The following ZP3 variants were observed in gnomAD, a reference collection of about 807,000 sequenced individuals.
The protein encoded by ZP3 is zona pellucida glycoprotein 3.
A neutral mutation model predicts 35.6 loss-of-function variants in ZP3; 21 were observed. That is an observed-to-expected ratio of 0.59 (90% CI 0.42 to 0.85). The LOEUF (loss-of-function observed/expected upper bound fraction) is 0.85. Ranked by LOEUF, ZP3 falls within the 40% of genes least tolerant of loss-of-function variation. The pLI, the probability that ZP3 is intolerant of heterozygous loss-of-function variation, is 0.00. For missense variants in ZP3, 437 were observed against 536.5 expected (o/e 0.81, Z 1.83); for synonymous variants, 207 against 214.5 (o/e 0.96, Z 0.31).
At chr7:76,431,637 C>T (rs1020046876) in intron 2 of ZP3, among the ~76,000 whole-genome samples, 23 of 152,092 alleles carry the variant, frequency 1.5e-4, no homozygotes, top group Admixed American at 5.2e-4. Context: ...TGGTGGCTCA[C>T]GCCTATAATC....
At chr7:76,440,746 C>G (rs1312479701) in intron 7 of ZP3, 135 bp downstream of exon 7, 5 of 1,412,594 alleles carry the variant, frequency 3.5e-6, no homozygotes, top group Middle Eastern at 2.5e-4. Flanking sequence ...AGCTACCTTT[C>G]CCTAACACAA....
intron 2 of ZP3, among the ~76,000 whole-genome samples, chr7:76,430,527 A>AGT (rs2115904589): frequency 6.6e-6 from 1 of 152,252 alleles, no homozygotes; most frequent in Non-Finnish European, 1.5e-5. Context: ...CGAGGTAAGG[A>AGT]GTTCAGGACC....
intron 5 of ZP3, among the ~76,000 whole-genome samples, chr7:76,435,211 G>A (rs912564948): frequency 6.6e-6 from 1 of 152,258 alleles, no homozygotes; most frequent in African/African-American, 2.4e-5. Flanking sequence ...GGGCATGATG[G>A]TGGGCACCTG....
chr7:76,423,698 G>T (rs772631679), upstream of ZP3, among the ~76,000 whole-genome samples: 6 of 152,084 alleles, frequency 3.9e-5, no homozygotes, highest in East Asian at 1.2e-3. Context: ...GAGGTGGGCG[G>T]ATCCCTTGTG....
intron 1 of ZP3, chr7:76,400,386 C>T: frequency 6.3e-7 from 1 of 1,595,530 alleles, no homozygotes; most frequent in East Asian, 2.3e-5. Flanking sequence ...CGCGGCACTC[C>T]ACGTTGTCCA....
At chr7:76,437,368 G>T (rs1366402360) in intron 5 of ZP3, among the ~76,000 whole-genome samples, 2 of 151,912 alleles carry the variant, frequency 1.3e-5, no homozygotes, top group Admixed American at 6.6e-5. Context: ...TAGAGATGGG[G>T]TTTCACTATG....
chr7:76,405,968 C>CCTTT (rs202024651), intron 1 of ZP3, among the ~76,000 whole-genome samples: 11,453 of 150,380 alleles, frequency 0.076, 601 homozygotes, highest in Middle Eastern at 0.16. Context: ...CTTCCTTCTT[C>CCTTT]CTTTCCTTTC....
chr7:76,405,982 T>TC (rs200070368), intron 1 of ZP3, among the ~76,000 whole-genome samples: 1 of 149,062 alleles, frequency 6.7e-6, no homozygotes, highest in South Asian at 2.2e-4. Context: ...TCCTTTCCTT[T>TC]CTTTTCTTTT....
upstream of ZP3, chr7:76,424,944 G>T (rs767352403): frequency 1.3e-6 from 2 of 1,501,140 alleles, no homozygotes; most frequent in Admixed American, 2.1e-5. Flanking sequence ...AGAGGCGGCT[G>T]CCTGCTGCTC....
intron 1 of ZP3, among the ~76,000 whole-genome samples, chr7:76,428,153 C>T (rs2115895245): frequency 7.2e-6 from 1 of 138,716 alleles, no homozygotes; most frequent in Admixed American, 7.2e-5. Context: ...TGGCGAAACC[C>T]TGTCTCTATT....
At chr7:76,440,657 G>T in intron 7 of ZP3, 46 bp downstream of exon 7, 1 of 1,567,744 alleles carries the variant, frequency 6.4e-7, no homozygotes, top group Non-Finnish European at 8.7e-7. Context: ...CCCTTACTCA[G>T]TTGAGGGTAC....
chr7:76,436,734 G>C (rs1806025401), intron 5 of ZP3, among the ~76,000 whole-genome samples: 1 of 152,256 alleles, frequency 6.6e-6, no homozygotes, highest in Non-Finnish European at 1.5e-5. Flanking sequence ...GTGACCGATA[G>C]CTCCTTAGGG....
chr7:76,422,984 G>A (rs1352377250), upstream of ZP3, among the ~76,000 whole-genome samples: 4 of 139,686 alleles, frequency 2.9e-5, no homozygotes, highest in Non-Finnish European at 6.1e-5. Context: ...GCGACAGAAT[G>A]AGATCCTGTC....
intron 1 of ZP3, among the ~76,000 whole-genome samples, chr7:76,425,733 G>T (rs1298617662): frequency 1.3e-5 from 2 of 152,146 alleles, no homozygotes; most frequent in South Asian, 4.1e-4. Flanking sequence ...GGGAGGCCAA[G>T]ACTGGAGGAT....
At chr7:76,398,568 G>T in intron 1 of ZP3, 1 of 830,376 alleles carries the variant, frequency 1.2e-6, no homozygotes, top group African/African-American at 1.7e-5. Context: ...GCCTCCCAAA[G>T]TGCTGGGATT....
rs574554620 is a variant in ZP3, at chr7:76,418,774, T to G, written c.-66-6278T>G. On this transcript the variant is annotated intron_variant, in intron 1 of 8. Transcript: ENST00000336517. Reference sequence around the variant, plus strand: ...GGGAAGCTGAGGCAGGAGAATGGCGTGAACCCGGGAGGCGGAGCTTGCAAT... The same window carrying G: ...GGGAAGCTGAGGCAGGAGAATGGCGGGAACCCGGGAGGCGGAGCTTGCAAT... Among the ~76,000 whole-genome samples the G allele has an allele frequency of 2.6e-5, 4 of 152,002 alleles. No homozygotes were observed. The East Asian group carries it at 7.7e-4, about 29-fold the overall frequency.
intron 1 of ZP3, among the ~76,000 whole-genome samples, chr7:76,398,058 T>C (rs1804699036): frequency 6.6e-6 from 1 of 152,116 alleles, no homozygotes; most frequent in Non-Finnish European, 1.5e-5. Flanking sequence ...CCTGGCAGCC[T>C]GGGACGTGCT....
chr7:76,416,322 A>G (rs1219235657), intron 1 of ZP3, among the ~76,000 whole-genome samples: 1 of 151,924 alleles, frequency 6.6e-6, no homozygotes, highest in Non-Finnish European at 1.5e-5. Context: ...CTAGCCACTC[A>G]GGAGGCTGAG....
intron 1 of ZP3, among the ~76,000 whole-genome samples, chr7:76,403,616 G>A (rs1259976713): frequency 2.0e-5 from 3 of 151,716 alleles, no homozygotes; most frequent in Non-Finnish European, 2.9e-5. Context: ...GATTACAGGC[G>A]ACAGCCACCG....
Sources: gnomAD v4.1 joint callset for allele counts (sites outside exome capture counted in the v4.1 genomes callset) on GRCh38, gnomAD v4.1.1 for gene constraint, MANE v1.5 for transcripts, NCBI Gene and HGNC (gene_info 2026-07-23, HGNC 2026-07-21) for gene names.